ALDH1A2: variants seen among roughly 807,000 people sequenced by gnomAD.
The protein encoded by ALDH1A2 is aldehyde dehydrogenase 1 family member A2.
Under a neutral mutation model 60.3 loss-of-function variants are expected in ALDH1A2, and 27 were observed. That is an observed-to-expected ratio of 0.45 (90% CI 0.33 to 0.62). The LOEUF (loss-of-function observed/expected upper bound fraction) is 0.62. Among genes scored for constraint, ALDH1A2 ranks in the 20% least tolerant of loss-of-function variants. The pLI is 0.02. For missense variants in ALDH1A2, 581 were observed against 643.8 expected, an observed-to-expected ratio of 0.90 and a Z score of 1.06; for synonymous variants, 289 against 232.4, an observed-to-expected ratio of 1.24 and a Z score of -2.21.
At position 57,964,076 on chromosome 15, in the gene ALDH1A2, G is replaced by C. The variant is rs1381023450; in HGVS notation, c.902-7C>G. ...TGCTCCACAGCATAGTCCACTACAA[G>C]AGGAAACAGCCATGTTCTCACCGCT... On this transcript the variant is annotated splice_polypyrimidine_tract_variant and splice_region_variant and intron_variant, in intron 8 of 12. Coordinates refer to ENST00000249750, the MANE Select transcript of ALDH1A2 (RefSeq NM_003888.4). 3 of 1,613,812 alleles carry C rather than the reference G, an allele frequency of 1.9e-6. No individual in the cohort carries two copies. Among genetic ancestry groups the C allele is most frequent in the Non-Finnish European group, 2.5e-6 (3 of 1,179,976 alleles).
chr15:58,050,569 G>T (rs1566961024), intron 1 of ALDH1A2, among the ~76,000 whole-genome samples: 1 of 152,050 alleles, frequency 6.6e-6, no homozygotes, highest in Non-Finnish European at 1.5e-5. Context: ...TTCCAAGAAT[G>T]GTAAGTGAAA....
intron 1 of ALDH1A2, among the ~76,000 whole-genome samples, chr15:58,060,570 C>T (rs1402327745): frequency 6.9e-6 from 1 of 145,690 alleles, no homozygotes; most frequent in Non-Finnish European, 1.5e-5. Context: ...TGATAAGTAC[C>T]TTTCTGACCA....
At chr15:58,010,614 C>A (rs781471547) in intron 4 of ALDH1A2, 35 bp downstream of exon 4, 12 of 1,609,978 alleles carry the variant, frequency 7.5e-6, no homozygotes, top group Non-Finnish European at 1.0e-5. Flanking sequence ...GGTGGTTTCA[C>A]GTTTTCCTTT....
Position 58,026,862 on chromosome 15 carries a change from G to A in ALDH1A2, c.118-12581C>T, listed in dbSNP as rs141623111. Among the ~76,000 whole-genome samples, 951 of 152,316 alleles carry A rather than the reference G, an allele frequency of 6.2e-3. 14 individuals are homozygous for A. The highest frequency in any genetic ancestry group is 0.022 in the African/African-American group (908 of 41,584). ...GGCTTGAGTAGCAGGTAAACAAAGT[G>A]GCCAGAAGATTGAACTGGGTGGAGC... On this transcript the variant is annotated intron_variant, in intron 1 of 12. Coordinates refer to ENST00000249750, the MANE Select transcript of ALDH1A2 (RefSeq NM_003888.4).
intron 4 of ALDH1A2, among the ~76,000 whole-genome samples, chr15:57,996,151 G>C (rs1209823546): frequency 6.6e-6 from 1 of 152,050 alleles, no homozygotes; most frequent in African/African-American, 2.4e-5. Flanking sequence ...GGGGACAGGA[G>C]GACTGTGTGG....
At chr15:58,025,762 A>G (rs1223780504) in intron 1 of ALDH1A2, among the ~76,000 whole-genome samples, 5 of 152,242 alleles carry the variant, frequency 3.3e-5, no homozygotes, top group Admixed American at 2.6e-4. Flanking sequence ...GCTCTTAGTG[A>G]GGCCACAGGA....
intron 7 of ALDH1A2, among the ~76,000 whole-genome samples, chr15:57,992,061 A>G (rs535685045): frequency 6.6e-6 from 1 of 152,186 alleles, no homozygotes; most frequent in Admixed American, 6.5e-5. Flanking sequence ...AGAAACAATA[A>G]AAAGATTAGC....
intron 1 of ALDH1A2, among the ~76,000 whole-genome samples, chr15:58,043,928 G>A (rs1467514174): frequency 2.6e-5 from 4 of 151,928 alleles, no homozygotes; most frequent in Non-Finnish European, 4.4e-5. Context: ...TATAATCTCT[G>A]CAAATCCAAG....
At chr15:58,051,036 A>G (rs1392694794) in intron 1 of ALDH1A2, among the ~76,000 whole-genome samples, 2 of 152,174 alleles carry the variant, frequency 1.3e-5, no homozygotes, top group East Asian at 3.9e-4. Flanking sequence ...TATGTAGCAC[A>G]ATCATTTTTA....
intron 1 of ALDH1A2, among the ~76,000 whole-genome samples, chr15:58,035,609 T>C (rs1489662175): frequency 6.6e-6 from 1 of 151,700 alleles, no homozygotes; most frequent in Non-Finnish European, 1.5e-5. Flanking sequence ...ATTTTTTAAG[T>C]TGTATTTTCA....
chr15:57,989,999 C>CAAAA (rs1229267241), intron 7 of ALDH1A2, among the ~76,000 whole-genome samples: 1 of 25,458 alleles, frequency 3.9e-5, no homozygotes, highest in Non-Finnish European at 1.0e-4. Flanking sequence ...GACTCCGTCT[C>CAAAA]AAAAAAAAAA....
At chr15:57,990,314 CGTATATACATAT>C (rs1341024134) in intron 7 of ALDH1A2, 1 of 152,056 alleles carries the variant, frequency 6.6e-6, no homozygotes, top group Non-Finnish European at 1.5e-5. Context: ...TGTGTGTATA[CGTATATACATAT>C]GTGTATACAG....
chr15:58,010,519 T>A (rs1895597941), intron 4 of ALDH1A2, 130 bp downstream of exon 4: 1 of 1,250,188 alleles, frequency 8.0e-7, no homozygotes, highest in African/African-American at 1.5e-5. Context: ...GGTTGGTTCT[T>A]CACTCAGTTC....
chr15:57,993,551 AGATACATGCATT>A (rs1894961781), intron 5 of ALDH1A2, among the ~76,000 whole-genome samples: 1 of 152,208 alleles, frequency 6.6e-6, no homozygotes, highest in Non-Finnish European at 1.5e-5. Flanking sequence ...CTTTTTCTTT[AGATACATGCATT>A]GTCACAAACA....
intron 7 of ALDH1A2, among the ~76,000 whole-genome samples, chr15:57,986,029 G>A (rs1041366298): frequency 6.6e-6 from 1 of 152,150 alleles, no homozygotes; most frequent in Non-Finnish European, 1.5e-5. Context: ...CTGTAAAGGT[G>A]ATCTGCATGA....
At chr15:58,018,997 G>A (rs140346822) in intron 1 of ALDH1A2, among the ~76,000 whole-genome samples, 129 of 152,186 alleles carry the variant, frequency 8.5e-4, no homozygotes, top group African/African-American at 3.0e-3. Flanking sequence ...AGATTTTTAG[G>A]TTAGATGATA....
intron 1 of ALDH1A2, chr15:58,036,623 T>C (rs138143308): frequency 2.0e-5 from 3 of 151,728 alleles, no homozygotes; most frequent in East Asian, 1.9e-4. Context: ...CAGAAGACAC[T>C]GCAAAATATA....
intron 1 of ALDH1A2, chr15:58,014,586 G>C (rs1895736373): frequency 8.4e-6 from 4 of 473,632 alleles, no homozygotes; most frequent in South Asian, 4.6e-5. Context: ...GCTAAGGCAA[G>C]AGTTATCGAT....
At chr15:58,016,788 G>A (rs1048326264) in intron 1 of ALDH1A2, among the ~76,000 whole-genome samples, 9 of 152,058 alleles carry the variant, frequency 5.9e-5, no homozygotes, top group Admixed American at 2.0e-4. Context: ...AAATTGCCTA[G>A]AAATGAATGT....
Sources: gnomAD v4.1 joint callset for allele counts (sites outside exome capture counted in the v4.1 genomes callset) on GRCh38, gnomAD v4.1.1 for gene constraint, MANE v1.5 for transcripts, NCBI Gene and HGNC (gene_info 2026-07-23, HGNC 2026-07-21) for gene names.